The following PRKAR1B variants were observed in gnomAD, a reference collection of about 807,000 sequenced individuals.
PRKAR1B encodes cAMP-dependent protein kinase type I-beta regulatory subunit.
In PRKAR1B, 22 loss-of-function variants were observed where a neutral mutation model predicts 46.5. The ratio of observed to expected loss-of-function variants is 0.47; its 90% confidence interval spans 0.34 to 0.68. PRKAR1B has a LOEUF of 0.68. Ranked by LOEUF, PRKAR1B falls within the 30% of genes least tolerant of loss-of-function variation. PRKAR1B has a pLI of 0.01. For missense variants in PRKAR1B, 445 were observed against 535.6 expected (o/e 0.83, Z 1.67); for synonymous variants, 259 against 217.7 (o/e 1.19, Z -1.67).
intron 2 of PRKAR1B, among the ~76,000 whole-genome samples, chr7:700,400 A>T (rs1416301246): frequency 6.6e-6 from 1 of 152,254 alleles, no homozygotes; most frequent in Non-Finnish European, 1.5e-5. Context: ...ATAGGATTTT[A>T]ATGGGATTCA....
intron 2 of PRKAR1B, among the ~76,000 whole-genome samples, chr7:699,731 G>A (rs758190717): frequency 2.8e-4 from 42 of 152,142 alleles, no homozygotes; most frequent in Non-Finnish European, 4.0e-4. Context: ...AGTGCTGGCC[G>A]GAGCCCGTGG....
intron 9 of PRKAR1B, among the ~76,000 whole-genome samples, chr7:558,229 G>A (rs1349260442): frequency 2.0e-5 from 3 of 151,460 alleles, no homozygotes; most frequent in Non-Finnish European, 4.4e-5. Context: ...AGGAGGCTGA[G>A]GTGCGAGGAT....
At chr7:566,691 C>CATTAT (rs1779189724) in intron 9 of PRKAR1B, among the ~76,000 whole-genome samples, 2 of 26,112 alleles carry the variant, frequency 7.7e-5, no homozygotes, top group African/African-American at 1.6e-4. Flanking sequence ...ACCATCATCA[C>CATTAT]CATCACCTTC....
intron 9 of PRKAR1B, among the ~76,000 whole-genome samples, chr7:564,528 A>T (rs967344295): frequency 6.6e-6 from 1 of 152,002 alleles, no homozygotes; most frequent in African/African-American, 2.4e-5. Context: ...GGGCAGTCAC[A>T]CACTCAGGTC....
chr7:686,380 G>A (rs1237495682), intron 2 of PRKAR1B, among the ~76,000 whole-genome samples: 1 of 152,050 alleles, frequency 6.6e-6, no homozygotes, highest in African/African-American at 2.4e-5. Flanking sequence ...TTAAAATTTA[G>A]GATTTTAGAA....
intron 4 of PRKAR1B, among the ~76,000 whole-genome samples, chr7:670,771 C>T (rs1039727536): frequency 2.0e-5 from 3 of 150,012 alleles, no homozygotes; most frequent in East Asian, 2.0e-4. Context: ...CCACGGCATC[C>T]GGCAGAGGGG....
At chr7:710,355 CAGG>C (rs1780551509) in intron 2 of PRKAR1B, among the ~76,000 whole-genome samples, 1 of 152,154 alleles carries the variant, frequency 6.6e-6, no homozygotes, top group Non-Finnish European at 1.5e-5. Context: ...AGAACAAGGA[CAGG>C]AGGAGCCCAC....
intron 1 of PRKAR1B, among the ~76,000 whole-genome samples, chr7:719,535 G>A (rs1781000824): frequency 6.6e-6 from 1 of 152,136 alleles, no homozygotes; most frequent in African/African-American, 2.4e-5. Flanking sequence ...AGGTGGACGT[G>A]AATGCCTGGC....
intron 4 of PRKAR1B, among the ~76,000 whole-genome samples, chr7:654,634 CAT>C (rs1351061433): frequency 2.0e-5 from 3 of 151,926 alleles, no homozygotes; most frequent in African/African-American, 7.3e-5. Flanking sequence ...TCACCTTCAT[CAT>C]CACCATCATT....
chr7:714,655 G>A lies in PRKAR1B; in HGVS notation c.-22-3128C>T, dbSNP rs111710545. Reference sequence around the variant, plus strand: ...AGGAGTGCGAGGCGTGGCCCCCACCGCCCCAACCTGCAGACAAGTTTCTGC... The same window carrying A: ...AGGAGTGCGAGGCGTGGCCCCCACCACCCCAACCTGCAGACAAGTTTCTGC... On this transcript the variant is annotated intron_variant, in intron 1 of 10. Transcript: ENST00000537384. The surrounding 1 kb of genome is among the most constrained non-coding windows in gnomAD (Gnocchi z 4.3). Among the ~76,000 whole-genome samples the A allele has an allele frequency of 1.3e-5, 2 of 152,138 alleles. No individual in the cohort carries two copies. Among genetic ancestry groups the A allele is most frequent in the East Asian group, 1.9e-4 (1 of 5,180 alleles).
intron 4 of PRKAR1B, among the ~76,000 whole-genome samples, chr7:648,961 C>T (rs958278465): frequency 6.6e-6 from 1 of 152,062 alleles, no homozygotes; most frequent in Non-Finnish European, 1.5e-5. Flanking sequence ...GTCAGGGGTT[C>T]AAGGCCAGCC....
At position 644,586 on chromosome 7, in the gene PRKAR1B, C is replaced by T. The variant is rs539860765; in HGVS notation, c.440+32643G>A. 7.9e-5 allele frequency among the ~76,000 whole-genome samples: 12 copies of T among 152,180 alleles called. No homozygotes were observed. Among genetic ancestry groups the T allele is most frequent in the Non-Finnish European group, 1.3e-4 (9 of 68,026 alleles). The stretch of plus-strand genomic sequence containing the variant: ...CTGAGGGGGCACCAGTCTGGCCATG[C>T]GAGTGCCCACAACTGGAAGGAAGCA... On this transcript the variant is annotated intron_variant, in intron 4 of 10. Transcript: ENST00000537384. The surrounding 1 kb of genome is among the most constrained non-coding windows in gnomAD (Gnocchi z 4.9).
intron 9 of PRKAR1B, among the ~76,000 whole-genome samples, chr7:576,072 C>T (rs1248872990): frequency 6.6e-6 from 1 of 151,338 alleles, no homozygotes; most frequent in African/African-American, 2.4e-5. Flanking sequence ...CAGGCATCCT[C>T]TCCTCTGCAC....
chr7:653,233 C>A (rs538613242), intron 4 of PRKAR1B, among the ~76,000 whole-genome samples: 5 of 152,160 alleles, frequency 3.3e-5, no homozygotes, highest in Admixed American at 6.5e-5. Flanking sequence ...TCTTTGGGGG[C>A]CACCAATGTC....
chr7:581,646 A>T (rs1027712536), intron 8 of PRKAR1B, among the ~76,000 whole-genome samples: 31 of 152,210 alleles, frequency 2.0e-4, no homozygotes, highest in African/African-American at 7.2e-4. Flanking sequence ...AAAAACAAAA[A>T]TTATCTCCTG....
chr7:584,929 A>G (rs982651311), intron 7 of PRKAR1B, among the ~76,000 whole-genome samples: 26 of 152,112 alleles, frequency 1.7e-4, no homozygotes, highest in African/African-American at 6.0e-4. Context: ...TCATAAACAC[A>G]TCTGGAGAAA....
At chr7:597,170 A>G (rs1781312699) in intron 6 of PRKAR1B, among the ~76,000 whole-genome samples, 2 of 152,244 alleles carry the variant, frequency 1.3e-5, no homozygotes. Context: ...AATAGTTCCC[A>G]TTGGCAAAGC....
At chr7:569,245 G>A (rs945142318) in intron 9 of PRKAR1B, among the ~76,000 whole-genome samples, 4 of 152,188 alleles carry the variant, frequency 2.6e-5, no homozygotes, top group Non-Finnish European at 4.4e-5. Context: ...AACCCTGAGC[G>A]TGAGCTGACC....
intron 6 of PRKAR1B, among the ~76,000 whole-genome samples, chr7:601,889 G>T (rs1406058983): frequency 6.6e-6 from 1 of 152,128 alleles, no homozygotes; most frequent in Admixed American, 6.5e-5. Context: ...ACCCGGGGGG[G>T]CTGGGGAGGG....
Sources: allele counts gnomAD v4.1 joint callset (sites outside exome capture counted in the v4.1 genomes callset), GRCh38; gene constraint gnomAD v4.1.1; non-coding constraint Gnocchi (gnomAD v3.1); transcripts MANE v1.5; gene names NCBI Gene and HGNC (gene_info 2026-07-23, HGNC 2026-07-21).